The following DLGAP1 variants were observed in gnomAD, a reference collection of about 807,000 sequenced individuals.
DLGAP1 encodes the protein DLG associated protein 1, also known as disks large-associated protein 1.
In DLGAP1, 11 loss-of-function variants were observed where a neutral mutation model predicts 90.8. The ratio of observed to expected loss-of-function variants is 0.12; its 90% CI spans 0.08 to 0.20. The LOEUF (loss-of-function observed/expected upper bound fraction) is 0.20. Ranked by LOEUF, DLGAP1 falls within the 10% of genes least tolerant of loss-of-function variation. The pLI, the probability that DLGAP1 is intolerant of heterozygous loss-of-function variation, is 1.00. For synonymous variants in DLGAP1, 558 were observed against 540.7 expected (o/e 1.03, Z -0.44); for missense variants, 1,050 against 1,333.8 (o/e 0.79, Z 3.31).
intron 7 of DLGAP1, among the ~76,000 whole-genome samples, chr18:3,612,510 T>A (rs1157653366): frequency 6.6e-6 from 1 of 152,200 alleles, no homozygotes; most frequent in Non-Finnish European, 1.5e-5. Context: ...TACACCAACG[T>A]GGTCAGATGA....
chr18:4,195,308 G>C (rs916829145), intron 1 of DLGAP1, among the ~76,000 whole-genome samples: 1 of 151,960 alleles, frequency 6.6e-6, no homozygotes, highest in African/African-American at 2.4e-5. Flanking sequence ...AACTATGCTT[G>C]GATAAACAAG....
At chr18:3,595,922 T>C (rs568042848) in intron 7 of DLGAP1, among the ~76,000 whole-genome samples, 3 of 152,304 alleles carry the variant, frequency 2.0e-5, no homozygotes, top group East Asian at 3.9e-4. Context: ...TTTTTAACAA[T>C]GTGTGTGTTT....
In DLGAP1 at chr18:4,240,520, G is replaced by A. The variant is rs115303439; in HGVS notation, c.-266-89233C>T. On this transcript the variant is annotated intron_variant, in intron 1 of 12. Coordinates refer to ENST00000315677, the MANE Select transcript of DLGAP1 (RefSeq NM_004746.4). ...ATAATCTCTTGAAATCAGATTTTCT[G>A]GTGAAAGTAGAACTTATGTAAGACC... is the stretch of plus-strand genomic sequence containing the variant. Among the ~76,000 whole-genome samples, 975 of 152,160 alleles carry A rather than the reference G, an allele frequency of 6.4e-3. 11 individuals are homozygous for A. The highest frequency in any genetic ancestry group is 0.023 in the African/African-American group (943 of 41,524).
chr18:3,962,501 A>AAT (rs1257329123), intron 3 of DLGAP1: 1 of 152,118 alleles, frequency 6.6e-6, no homozygotes, highest in Non-Finnish European at 1.5e-5. Flanking sequence ...TTTATATGTA[A>AAT]ATATTCTGAA....
intron 1 of DLGAP1, among the ~76,000 whole-genome samples, chr18:4,395,572 T>C (rs1243206936): frequency 4.6e-5 from 7 of 152,176 alleles, no homozygotes; most frequent in Admixed American, 4.6e-4. Context: ...AAAGATTCAT[T>C]AACATGGAGG....
At chr18:3,853,115 T>C (rs1350203810) in intron 4 of DLGAP1, among the ~76,000 whole-genome samples, 1 of 152,106 alleles carries the variant, frequency 6.6e-6, no homozygotes, top group Non-Finnish European at 1.5e-5. Flanking sequence ...GGTCTGGTCT[T>C]TTTCTGAGTA....
chr18:4,374,391 T>C (rs938636509), intron 1 of DLGAP1, among the ~76,000 whole-genome samples: 4 of 152,150 alleles, frequency 2.6e-5, no homozygotes, highest in African/African-American at 9.7e-5. Flanking sequence ...TCCATGAGTA[T>C]TAATTTATTA....
At chr18:3,603,070 G>C (rs1219382172) in intron 7 of DLGAP1, 1 of 152,210 alleles carries the variant, frequency 6.6e-6, no homozygotes, top group Non-Finnish European at 1.5e-5. Flanking sequence ...CTAGTCTTCG[G>C]ATTGAAATGA....
intron 7 of DLGAP1, among the ~76,000 whole-genome samples, chr18:3,699,259 G>T (rs1208531004): frequency 6.6e-6 from 1 of 152,116 alleles, no homozygotes; most frequent in Non-Finnish European, 1.5e-5. Context: ...TTTTGCACTG[G>T]TTTTTCCTCA....
intron 1 of DLGAP1, among the ~76,000 whole-genome samples, chr18:4,188,887 A>G (rs1042214295): frequency 6.6e-6 from 1 of 152,194 alleles, no homozygotes; most frequent in South Asian, 2.1e-4. Flanking sequence ...ATTAAATTAA[A>G]TCAAATAAAT....
At chr18:3,570,281 ATT>A (rs11326598) in intron 8 of DLGAP1, among the ~76,000 whole-genome samples, 3,887 of 143,816 alleles carry the variant, frequency 0.027, 75 homozygotes, top group Non-Finnish European at 0.042. Flanking sequence ...TTTTTCCTAA[ATT>A]TTTTTTTTTT....
chr18:4,001,610 A>C (rs899159661), intron 3 of DLGAP1, among the ~76,000 whole-genome samples: 1 of 152,142 alleles, frequency 6.6e-6, no homozygotes, highest in Non-Finnish European at 1.5e-5. Context: ...TGTATCTGCT[A>C]TCTGTTGGCT....
rs1373062552 is a variant in DLGAP1, at chr18:4,381,934, G to A, written c.-267+73072C>T. 5.3e-5 allele frequency among the ~76,000 whole-genome samples: 8 copies of A among 152,058 alleles called. No homozygotes were observed. In the East Asian group the frequency reaches 5.8e-4, roughly 11 times the overall value. ...GGAAGGCAAAAGACACGTCTTACAC[G>A]GCGGCAGACAAGAGAGGGAGTGATA... On this transcript the variant is annotated intron_variant, in intron 1 of 12. Coordinates refer to ENST00000315677, the MANE Select transcript of DLGAP1 (RefSeq NM_004746.4).
intron 3 of DLGAP1, among the ~76,000 whole-genome samples, chr18:3,897,263 T>G (rs2071648941): frequency 6.6e-6 from 1 of 152,224 alleles, no homozygotes; most frequent in South Asian, 2.1e-4. Context: ...AGGCCGTAGC[T>G]ACTCACAAGC....
In DLGAP1 at chr18:4,018,037, A is replaced by G. The variant is rs912568842; in HGVS notation, c.-158-12836T>C. Among the ~76,000 whole-genome samples, 4 of 152,342 alleles carry G rather than the reference A, an allele frequency of 2.6e-5. No homozygotes were observed. In the South Asian group the frequency reaches 6.2e-4, roughly 24 times the overall value. ...CTCACATGCCTTAAGTTAGGTTGGT[A>G]ACCAAAATATCCATTGTTTCTCTGG... On this transcript the variant is annotated intron_variant, in intron 2 of 12. Coordinates refer to ENST00000315677, the MANE Select transcript of DLGAP1 (RefSeq NM_004746.4).
chr18:4,049,660 G>C (rs940396752), intron 2 of DLGAP1, among the ~76,000 whole-genome samples: 1 of 152,148 alleles, frequency 6.6e-6, no homozygotes, highest in Non-Finnish European at 1.5e-5. Flanking sequence ...GCTCTTGTCA[G>C]TTCCTGTCTC....
intron 9 of DLGAP1, among the ~76,000 whole-genome samples, chr18:3,563,336 G>A (rs2054250655): frequency 1.3e-5 from 2 of 152,090 alleles, no homozygotes; most frequent in Non-Finnish European, 2.9e-5. Context: ...GGGGAATTCT[G>A]TTATTATTGC....
intron 3 of DLGAP1, among the ~76,000 whole-genome samples, chr18:3,914,635 C>T (rs62083571): frequency 0.08 from 12,140 of 152,172 alleles, 534 homozygotes; most frequent in Non-Finnish European, 0.083. Context: ...TTGAGGAACT[C>T]CTATATGATT....
At chr18:4,207,078 T>C (rs1203082899) in intron 1 of DLGAP1, among the ~76,000 whole-genome samples, 1 of 152,152 alleles carries the variant, frequency 6.6e-6, no homozygotes, top group Non-Finnish European at 1.5e-5. Flanking sequence ...AAGACCACTC[T>C]TCCATCATCA....
Sources: gnomAD v4.1 joint callset for allele counts (sites outside exome capture counted in the v4.1 genomes callset) on GRCh38, gnomAD v4.1.1 for gene constraint, MANE v1.5 for transcripts, NCBI Gene and HGNC (gene_info 2026-07-23, HGNC 2026-07-21) for gene names.